Variants in TGFBR3 observed in about 807,000 individuals in gnomAD.
The protein encoded by TGFBR3 is transforming growth factor beta receptor type 3.
TGFBR3 carries 46 observed loss-of-function variants against 87.9 expected under a neutral mutation model. The ratio of observed to expected loss-of-function variants is 0.52; its 90% CI spans 0.41 to 0.67. TGFBR3 has a LOEUF of 0.67. Ranked by LOEUF, TGFBR3 falls within the 30% of genes least tolerant of loss-of-function variation. The pLI is 0.00. For synonymous variants in TGFBR3, 381 were observed against 391.6 expected (o/e 0.97, Z 0.32); for missense variants, 866 against 1,041.9 (o/e 0.83, Z 2.32).
chr1:91,739,235 G>C (rs1249456710), intron 4 of TGFBR3, among the ~76,000 whole-genome samples: 1 of 152,148 alleles, frequency 6.6e-6, no homozygotes, highest in African/African-American at 2.4e-5. Context: ...CAAAAAGCAG[G>C]AGATCATTAG....
At chr1:91,754,241 C>G (rs899883428) in intron 4 of TGFBR3, among the ~76,000 whole-genome samples, 2 of 152,124 alleles carry the variant, frequency 1.3e-5, no homozygotes, top group African/African-American at 4.8e-5. Context: ...GTTGAAGGTT[C>G]AGGCATCATC....
chr1:91,792,098 T>A (rs1252496237), intron 3 of TGFBR3, among the ~76,000 whole-genome samples: 2 of 152,184 alleles, frequency 1.3e-5, no homozygotes, highest in African/African-American at 4.8e-5. Context: ...CATGTGTGAT[T>A]AACCACACAT....
rs1672009099 is a variant in TGFBR3, at chr1:91,712,298, T to A, written c.2111A>T (p.Gln704Leu). 6.2e-7 allele frequency: 1 copy of A among 1,614,088 alleles called. No homozygotes were observed. The highest frequency in any genetic ancestry group is 1.3e-5 in the African/African-American group (1 of 74,938). ...CTTCGTACACAGCGTCAGCTCACAC[T>A]GTAGAAAGAGCAGTGAGGTGTTGAA... ...PVFNTSLLFLQCELTLCTKME... is the reference protein window; with the variant it reads ...PVFNTSLLFLLCELTLCTKME... The change falls in exon 13 of 17, where the codon CAG becomes CTG. Residue 704 changes from glutamine to leucine, a missense_variant. Transcript: ENST00000212355.
At chr1:91,836,187 C>T (rs149401164) in intron 2 of TGFBR3, among the ~76,000 whole-genome samples, 1,543 of 152,158 alleles carry the variant, frequency 0.01, 28 homozygotes, top group African/African-American at 0.036. Flanking sequence ...GCAGAGGTTG[C>T]GGTGAGCCGA....
Position 91,758,674 on chromosome 1 carries a change from T to C in TGFBR3, c.323A>G (p.His108Arg). ...KSVVFLLNSPHPLVWHLKTER... is the reference protein window; with the variant it reads ...KSVVFLLNSPRPLVWHLKTER... ...TGTCTTCAGATGCCACACCAGGGGG[T>C]GTGGGGAGTTGAGCAGGAACACAAC... The change falls in exon 4 of 17, where the codon CAC becomes CGC. Residue 108 changes from histidine (H) to arginine (R), a missense_variant. By Grantham distance (29) the His-to-Arg change is conservative. Coordinates refer to ENST00000212355, the MANE Select transcript of TGFBR3 (RefSeq NM_003243.5). 1 of 1,613,172 alleles carries C rather than the reference T, an allele frequency of 6.2e-7. No individual in the cohort carries two copies. Among genetic ancestry groups the C allele is most frequent in the Non-Finnish European group, 8.5e-7 (1 of 1,179,762 alleles).
intron 2 of TGFBR3, among the ~76,000 whole-genome samples, chr1:91,898,978 G>C (rs1167819934): frequency 2.0e-5 from 3 of 152,130 alleles, no homozygotes; most frequent in Non-Finnish European, 4.4e-5. Context: ...GTGGTTTCAT[G>C]TATGTTTGTT....
intron 2 of TGFBR3, among the ~76,000 whole-genome samples, chr1:91,804,785 A>G (rs1675769779): frequency 6.6e-6 from 1 of 152,190 alleles, no homozygotes. Flanking sequence ...CCTCACCGGC[A>G]GCCTCAAAAG....
At chr1:91,769,645 GT>G (rs1209653733) in intron 3 of TGFBR3, among the ~76,000 whole-genome samples, 30 of 144,526 alleles carry the variant, frequency 2.1e-4, no homozygotes, top group East Asian at 4.0e-4. Flanking sequence ...TGTTTTTTTT[GT>G]TTTTTTTTTT....
chr1:91,894,260 C>G (rs756609435), intron 2 of TGFBR3, among the ~76,000 whole-genome samples: 12 of 152,194 alleles, frequency 7.9e-5, no homozygotes, highest in Non-Finnish European at 1.6e-4. Flanking sequence ...TTCAATGACT[C>G]AATGACTTTC....
At chr1:91,805,275 G>A (rs1675787027) in intron 2 of TGFBR3, among the ~76,000 whole-genome samples, 1 of 152,160 alleles carries the variant, frequency 6.6e-6, no homozygotes, top group South Asian at 2.1e-4. Context: ...TTCCTTAAGG[G>A]TAGCTCCCAA....
At chr1:91,710,652 C>G (rs1671948534) in intron 13 of TGFBR3, among the ~76,000 whole-genome samples, 1 of 152,178 alleles carries the variant, frequency 6.6e-6, no homozygotes, top group Non-Finnish European at 1.5e-5. Flanking sequence ...GTGGTAACAG[C>G]TCATCCAAGC....
At chr1:91,747,587 A>T (rs981205109) in intron 4 of TGFBR3, among the ~76,000 whole-genome samples, 19 of 152,328 alleles carry the variant, frequency 1.2e-4, no homozygotes, top group African/African-American at 2.9e-4. Flanking sequence ...TTGCTCAAGG[A>T]TCTTAAAAAT....
intron 16 of TGFBR3, among the ~76,000 whole-genome samples, chr1:91,685,193 T>G (rs888665817): frequency 6.6e-6 from 1 of 152,134 alleles, no homozygotes; most frequent in Non-Finnish European, 1.5e-5. Context: ...AACCTCAAAG[T>G]ATTTATGTGC....
At chr1:91,873,859 A>C (rs1393341256) in intron 1 of TGFBR3, among the ~76,000 whole-genome samples, 3 of 152,030 alleles carry the variant, frequency 2.0e-5, no homozygotes, top group Admixed American at 2.0e-4. Context: ...ATGAGGCAGG[A>C]GAATGGCTTG....
rs1181177023 is a variant in TGFBR3, at chr1:91,752,018, G to T, written c.384+6595C>A. On this transcript the variant is annotated intron_variant, in intron 4 of 16. Coordinates refer to ENST00000212355, the MANE Select transcript of TGFBR3 (RefSeq NM_003243.5). ...CTCATTTTAGAAATGAGGAAACGAGGTCTGAGTAGTTAAGTGATTTTTTTT... is the reference window on the plus strand; with the variant it reads ...CTCATTTTAGAAATGAGGAAACGAGTTCTGAGTAGTTAAGTGATTTTTTTT... Among the ~76,000 whole-genome samples the T allele has an allele frequency of 3.3e-5, 5 of 152,288 alleles. No homozygotes were observed. In the South Asian group the frequency reaches 8.3e-4, roughly 25 times the overall value.
chr1:91,869,594 G>A (rs1458064594), intron 1 of TGFBR3, among the ~76,000 whole-genome samples: 1 of 152,212 alleles, frequency 6.6e-6, no homozygotes, highest in Non-Finnish European at 1.5e-5. Context: ...AACTCGGCAG[G>A]CAGAGGTTAC....
intron 3 of TGFBR3, among the ~76,000 whole-genome samples, chr1:91,764,648 T>C (rs1050076168): frequency 2.6e-5 from 4 of 152,150 alleles, no homozygotes; most frequent in African/African-American, 9.7e-5. Context: ...ACGCTGCTAG[T>C]GCCCTCAGCA....
At chr1:91,802,498 T>C (rs539706048) in intron 2 of TGFBR3, among the ~76,000 whole-genome samples, 1 of 152,008 alleles carries the variant, frequency 6.6e-6, no homozygotes, top group East Asian at 1.9e-4. Flanking sequence ...GTAGCTAGGA[T>C]TACAGGCGCC....
At position 91,754,163 on chromosome 1, in the gene TGFBR3, G is replaced by A. The variant is rs555870989; in HGVS notation, c.384+4450C>T. Among the ~76,000 whole-genome samples the A allele has an allele frequency of 5.3e-5, 8 of 152,174 alleles. No individual in the cohort carries two copies. The South Asian group carries it at 6.2e-4, about 12-fold the overall frequency. On this transcript the variant is annotated intron_variant, in intron 4 of 16. Transcript: ENST00000212355. ...CATTTGTGTCTTTTCTCTAGAAACCGTGTATTTAAATTGTAGTATGTCCTT... is the reference window on the plus strand; with the variant it reads ...CATTTGTGTCTTTTCTCTAGAAACCATGTATTTAAATTGTAGTATGTCCTT...
Sources: gnomAD v4.1 joint callset for allele counts (sites outside exome capture counted in the v4.1 genomes callset) on GRCh38, gnomAD v4.1.1 for gene constraint, MANE v1.5 for transcripts, NCBI Gene and HGNC (gene_info 2026-07-23, HGNC 2026-07-21) for gene names.